SIPA1L3: variants seen among roughly 807,000 people sequenced by gnomAD.
The protein encoded by SIPA1L3 is signal-induced proliferation-associated 1-like protein 3.
A neutral mutation model predicts 150.1 loss-of-function variants in SIPA1L3; 59 were observed. That is an observed-to-expected ratio of 0.39 (90% confidence interval 0.32 to 0.49). The LOEUF (loss-of-function observed/expected upper bound fraction) is 0.49. Among genes scored for constraint, SIPA1L3 ranks in the 20% least tolerant of loss-of-function variants. The pLI is 0.86. For synonymous variants in SIPA1L3, 1,070 were observed against 1,077.6 expected (o/e 0.99, Z 0.14); for missense variants, 2,211 against 2,489.5 (o/e 0.89, Z 2.38).
chr19:38,189,228 G>T (rs1423420437), intron 16 of SIPA1L3, among the ~76,000 whole-genome samples: 1 of 148,862 alleles, frequency 6.7e-6, no homozygotes, highest in South Asian at 2.2e-4. Flanking sequence ...TCAACCTCCC[G>T]ATCTCAAGCA....
intron 21 of SIPA1L3, 102 bp downstream of exon 21, chr19:38,204,310 AC>A (rs1301435863): frequency 7.4e-6 from 6 of 809,380 alleles, no homozygotes; most frequent in Admixed American, 4.4e-5. Context: ...GACCCACCCC[AC>A]CCCCACACCT....
chr19:38,032,067 G>A (rs1968665603), intron 2 of SIPA1L3, among the ~76,000 whole-genome samples: 1 of 152,180 alleles, frequency 6.6e-6, no homozygotes, highest in South Asian at 2.1e-4. Flanking sequence ...TGGTGGCCGG[G>A]TCTTGTCTAC....
intron 10 of SIPA1L3, 24 bp downstream of exon 10, chr19:38,130,796 A>T (rs1416036625): frequency 6.4e-7 from 1 of 1,574,040 alleles, no homozygotes; most frequent in Admixed American, 1.7e-5. Flanking sequence ...CCTTTCAGCC[A>T]GGTGGTGGGT....
At chr19:38,026,920 T>C (rs998862016) in intron 1 of SIPA1L3, among the ~76,000 whole-genome samples, 1 of 152,178 alleles carries the variant, frequency 6.6e-6, no homozygotes, top group Admixed American at 6.5e-5. Context: ...GTTGCAAATA[T>C]CACAAAATAT....
intron 2 of SIPA1L3, among the ~76,000 whole-genome samples, chr19:38,051,532 C>G (rs1024343846): frequency 1.3e-5 from 2 of 152,120 alleles, no homozygotes; most frequent in Non-Finnish European, 2.9e-5. Flanking sequence ...GCCACTAGAA[C>G]CTGGTGTATC....
chr19:38,020,088 GTC>G (rs528133914), intron 1 of SIPA1L3, among the ~76,000 whole-genome samples: 3 of 135,800 alleles, frequency 2.2e-5, no homozygotes, highest in East Asian at 3.7e-4. Flanking sequence ...GTGAGACCCC[GTC>G]TCTCTCTCTC....
intron 1 of SIPA1L3, among the ~76,000 whole-genome samples, chr19:38,028,797 A>T (rs1968575167): frequency 6.7e-6 from 1 of 149,480 alleles, no homozygotes; most frequent in Non-Finnish European, 1.5e-5. Context: ...GGTTCAAGTG[A>T]TTCTCCTGCC....
intron 20 of SIPA1L3, chr19:38,203,847 C>T (rs757490455): frequency 2.6e-5 from 11 of 424,534 alleles, no homozygotes; most frequent in African/African-American, 1.8e-4. Flanking sequence ...GTCACATGCA[C>T]GGCCCAGCCT....
At chr19:37,918,222 G>C (rs546936574) in intron 1 of SIPA1L3, among the ~76,000 whole-genome samples, 1 of 151,868 alleles carries the variant, frequency 6.6e-6, no homozygotes, top group Non-Finnish European at 1.5e-5. Flanking sequence ...AAAGGTCTTG[G>C]CGTGTTTGAA....
chr19:38,172,270 C>T (rs957626182), intron 15 of SIPA1L3, among the ~76,000 whole-genome samples: 1 of 152,100 alleles, frequency 6.6e-6, no homozygotes, highest in Non-Finnish European at 1.5e-5. Flanking sequence ...TGGAGGCTGC[C>T]GTGGCCTGGG....
At chr19:38,181,359 G>A (rs1473147281) in intron 15 of SIPA1L3, among the ~76,000 whole-genome samples, 1 of 152,194 alleles carries the variant, frequency 6.6e-6, no homozygotes, top group Non-Finnish European at 1.5e-5. Context: ...CTAGCTGGGT[G>A]TGCTGGCACA....
intron 1 of SIPA1L3, among the ~76,000 whole-genome samples, chr19:38,013,623 G>A (rs1044212023): frequency 2.6e-5 from 4 of 152,282 alleles, no homozygotes; most frequent in East Asian, 1.9e-4. Flanking sequence ...AAACCATTCC[G>A]AAATGTAACC....
intron 2 of SIPA1L3, among the ~76,000 whole-genome samples, chr19:38,030,144 G>A (rs556535868): frequency 3.3e-5 from 5 of 152,028 alleles, no homozygotes; most frequent in East Asian, 3.9e-4. Flanking sequence ...ATGAACCACC[G>A]CACCTGGCCG....
intron 1 of SIPA1L3, among the ~76,000 whole-genome samples, chr19:38,010,970 C>T (rs542575160): frequency 3.5e-4 from 54 of 152,304 alleles, no homozygotes; most frequent in African/African-American, 9.6e-4. Context: ...CACACAGAAA[C>T]GTCTCTCCTT....
intron 13 of SIPA1L3, among the ~76,000 whole-genome samples, chr19:38,156,174 G>C (rs1024073097): frequency 6.6e-6 from 1 of 152,150 alleles, no homozygotes; most frequent in African/African-American, 2.4e-5. Context: ...CAGGGTGTGC[G>C]TGGTTTGCTC....
intron 15 of SIPA1L3, among the ~76,000 whole-genome samples, chr19:38,178,636 C>T (rs1972496395): frequency 6.6e-6 from 1 of 151,976 alleles, no homozygotes; most frequent in African/African-American, 2.4e-5. Flanking sequence ...CCACCATGCC[C>T]AGCTAATTTT....
intron 10 of SIPA1L3, among the ~76,000 whole-genome samples, chr19:38,132,922 A>G (rs1971347069): frequency 6.6e-6 from 1 of 152,168 alleles, no homozygotes; most frequent in South Asian, 2.1e-4. Flanking sequence ...TGCTGGGATT[A>G]CAGATGTGAG....
At chr19:38,141,675 G>A (rs1971588567) in intron 11 of SIPA1L3, among the ~76,000 whole-genome samples, 1 of 152,162 alleles carries the variant, frequency 6.6e-6, no homozygotes, top group Non-Finnish European at 1.5e-5. Context: ...ATTATACTAA[G>A]TAGACGACTG....
intron 8 of SIPA1L3, among the ~76,000 whole-genome samples, chr19:38,113,619 C>CA (rs763712479): frequency 1.4e-3 from 211 of 150,982 alleles, no homozygotes; most frequent in Middle Eastern, 3.4e-3. Context: ...AAAAAAAAAC[C>CA]AAAAAAAACG....
Sources: allele counts gnomAD v4.1 joint callset (sites outside exome capture counted in the v4.1 genomes callset), GRCh38; gene constraint gnomAD v4.1.1; transcripts MANE v1.5; gene names NCBI Gene and HGNC (gene_info 2026-07-23, HGNC 2026-07-21).